PRKCH: variants seen among roughly 807,000 people sequenced by gnomAD.
PRKCH encodes the protein protein kinase C eta type.
Under a neutral mutation model 82.5 loss-of-function variants are expected in PRKCH, and 28 were observed. That is an observed-to-expected ratio of 0.34 (90% CI 0.25 to 0.47). The LOEUF is 0.47. Ranked by LOEUF, PRKCH falls within the 20% of genes least tolerant of loss-of-function variation. The pLI is 1.00. For missense variants in PRKCH, 705 were observed against 881.8 expected, an observed-to-expected ratio of 0.80 and a Z score of 2.54; for synonymous variants, 322 against 327.4, an observed-to-expected ratio of 0.98 and a Z score of 0.18.
At chr14:61,225,012 T>C (rs1210434973) in intron 1 of PRKCH, among the ~76,000 whole-genome samples, 3 of 152,118 alleles carry the variant, frequency 2.0e-5, no homozygotes. Flanking sequence ...TTACTGGGCT[T>C]TTGCTCTGTC....
intron 1 of PRKCH, among the ~76,000 whole-genome samples, chr14:61,316,077 C>T (rs962448736): frequency 1.3e-5 from 2 of 152,072 alleles, no homozygotes; most frequent in African/African-American, 2.4e-5. Context: ...TGTTGTTTAT[C>T]ATATATAATT....
chr14:61,534,263 C>G (rs2043079131), intron 12 of PRKCH, among the ~76,000 whole-genome samples: 1 of 152,122 alleles, frequency 6.6e-6, no homozygotes, highest in Non-Finnish European at 1.5e-5. Flanking sequence ...ATTTGTACAC[C>G]CATGTCCATA....
At chr14:61,235,898 T>G (rs2044783754) in intron 1 of PRKCH, among the ~76,000 whole-genome samples, 1 of 152,150 alleles carries the variant, frequency 6.6e-6, no homozygotes, top group South Asian at 2.1e-4. Flanking sequence ...AATAAAATTC[T>G]AAGCACCCCC....
chr14:61,353,754 G>C (rs549474011), intron 1 of PRKCH: 1 of 152,176 alleles, frequency 6.6e-6, no homozygotes, highest in South Asian at 2.1e-4. Context: ...AACATAGCAA[G>C]ACCCCATCGC....
At chr14:61,350,346 C>T (rs1442925021) in intron 1 of PRKCH, among the ~76,000 whole-genome samples, 3 of 152,088 alleles carry the variant, frequency 2.0e-5, no homozygotes, top group South Asian at 2.1e-4. Flanking sequence ...GCCCTTGCCC[C>T]GCCTGTTTCT....
At chr14:61,443,053 ATTAGGTGCG>A in intron 2 of PRKCH, 49 bp from the exon 3 acceptor site, 1 of 1,511,132 alleles carries the variant, frequency 6.6e-7, no homozygotes, top group Middle Eastern at 1.8e-4. Context: ...TTTCTCATCT[ATTAGGTGCG>A]TTAGGTTCCT....
chr14:61,458,503 C>A (rs949938068), intron 9 of PRKCH, among the ~76,000 whole-genome samples: 1 of 152,222 alleles, frequency 6.6e-6, no homozygotes, highest in South Asian at 2.1e-4. Context: ...AGGGCAGGGG[C>A]TGAAGGGCTT....
intron 10 of PRKCH, among the ~76,000 whole-genome samples, chr14:61,501,107 A>G (rs1270328977): frequency 1.3e-5 from 2 of 152,214 alleles, no homozygotes; most frequent in South Asian, 2.1e-4. Context: ...CTTAATCTAC[A>G]TGAGGATAAC....
intron 2 of PRKCH, among the ~76,000 whole-genome samples, chr14:61,425,388 T>A (rs1190834265): frequency 6.6e-6 from 1 of 152,234 alleles, no homozygotes; most frequent in Non-Finnish European, 1.5e-5. Context: ...TGTATCCACA[T>A]GACCTAGATG....
intron 10 of PRKCH, among the ~76,000 whole-genome samples, chr14:61,507,084 C>T (rs1594771674): frequency 6.6e-6 from 1 of 152,068 alleles, no homozygotes; most frequent in East Asian, 1.9e-4. Flanking sequence ...TTATACAACC[C>T]AATAGCAAAA....
intron 9 of PRKCH, among the ~76,000 whole-genome samples, chr14:61,460,164 C>G (rs1884963969): frequency 6.6e-6 from 1 of 152,134 alleles, no homozygotes; most frequent in Non-Finnish European, 1.5e-5. Context: ...TTTTTTAAGA[C>G]ATAATATTAA....
At chr14:61,506,416 G>A (rs1049566458) in intron 10 of PRKCH, among the ~76,000 whole-genome samples, 1 of 152,130 alleles carries the variant, frequency 6.6e-6, no homozygotes, top group African/African-American at 2.4e-5. Flanking sequence ...GGGTGGGTAA[G>A]TGATGTCCTG....
At chr14:61,244,040 C>G (rs1264978212) in intron 1 of PRKCH, among the ~76,000 whole-genome samples, 1 of 152,054 alleles carries the variant, frequency 6.6e-6, no homozygotes, top group African/African-American at 2.4e-5. Flanking sequence ...CCTGGCTCTC[C>G]CATCATCAGT....
intron 1 of PRKCH, among the ~76,000 whole-genome samples, chr14:61,233,698 C>G (rs747945876): frequency 3.9e-5 from 6 of 152,144 alleles, no homozygotes; most frequent in Non-Finnish European, 7.4e-5. Context: ...ATCACGAGAT[C>G]TGATGGTTTT....
At chr14:61,514,248 G>A (rs2042788639) in intron 10 of PRKCH, among the ~76,000 whole-genome samples, 1 of 148,742 alleles carries the variant, frequency 6.7e-6, no homozygotes, top group Non-Finnish European at 1.5e-5. Flanking sequence ...GTGTCCTGCA[G>A]TAGCCAGTTA....
chr14:61,321,914 A>G lies in PRKCH; in HGVS notation c.-188A>G. 5.6e-6 allele frequency: 3 copies of G among 537,078 alleles called. No individual in the cohort carries two copies. Among genetic ancestry groups the G allele is most frequent in the Non-Finnish European group, 9.6e-6 (3 of 311,026 alleles). The allele number at this position is 537,078 out of a possible 1,614,324, so 33.3% of individuals were successfully genotyped here. A position where few individuals can be genotyped will look rare whatever the true frequency, so the allele number is the denominator to read the frequency against. On this transcript the variant is annotated 5_prime_UTR_variant, in exon 1 of 14. Transcript: ENST00000332981. This position sits in a 1 kb window ranked among gnomAD's most constrained non-coding sequence, Gnocchi z 4.1. ...TCCCCTCCTTTCCACCTCGGGAGGG[A>G]GGGAAGGAGGGGAGGGAAAAGTCCC... is the stretch of plus-strand genomic sequence containing the variant.
At chr14:61,466,418 G>A (rs879521767) in intron 9 of PRKCH, among the ~76,000 whole-genome samples, 1 of 152,056 alleles carries the variant, frequency 6.6e-6, no homozygotes, top group Non-Finnish European at 1.5e-5. Context: ...TGGATGTGCT[G>A]GAATCCAGGC....
chr14:61,246,260 A>G (rs1293520406), intron 1 of PRKCH, among the ~76,000 whole-genome samples: 2 of 150,392 alleles, frequency 1.3e-5, no homozygotes, highest in African/African-American at 4.9e-5. Context: ...AAAAAAAAAA[A>G]AGCCAGGTGT....
chr14:61,265,032 T>A (rs1041504865), intron 1 of PRKCH, among the ~76,000 whole-genome samples: 17 of 152,168 alleles, frequency 1.1e-4, no homozygotes, highest in African/African-American at 3.6e-4. Context: ...CATAAGCATG[T>A]CATTACAATT....
Sources: gnomAD v4.1 joint callset for allele counts (sites outside exome capture counted in the v4.1 genomes callset) on GRCh38, gnomAD v4.1.1 for gene constraint, Gnocchi (gnomAD v3.1) non-coding constraint, MANE v1.5 for transcripts, NCBI Gene and HGNC (gene_info 2026-07-23, HGNC 2026-07-21) for gene names.